Variants in PDZD2 observed in about 807,000 individuals in gnomAD.
PDZD2 encodes the protein PDZ domain containing 2, also known as PDZ domain-containing protein 2.
A neutral mutation model predicts 220.7 loss-of-function variants in PDZD2; 90 were observed. The ratio of observed to expected loss-of-function variants is 0.41; its 90% CI spans 0.34 to 0.49. PDZD2 has a LOEUF of 0.49. Among genes scored for constraint, PDZD2 ranks in the 20% least tolerant of loss-of-function variants. PDZD2 has a pLI of 0.28. For missense variants in PDZD2, 3,174 were observed against 3,608.5 expected (o/e 0.88, Z 3.08); for synonymous variants, 1,375 against 1,450.5 (o/e 0.95, Z 1.18).
At chr5:31,878,565 T>TTTTTTTTTTTTTG (rs1739542826) in intron 2 of PDZD2, among the ~76,000 whole-genome samples, 1 of 109,142 alleles carries the variant, frequency 9.2e-6, no homozygotes, top group Non-Finnish European at 1.9e-5. Context: ...CTTTTTTTTT[T>TTTTTTTTTTTTTG]TTTTTTTTTT....
intron 2 of PDZD2, among the ~76,000 whole-genome samples, chr5:31,954,703 C>A (rs573246456): frequency 6.6e-6 from 1 of 152,060 alleles, no homozygotes; most frequent in African/African-American, 2.4e-5. Context: ...CCGAGGCAGG[C>A]GGATCACGAG....
chr5:31,871,881 A>AGTG (rs1420287242), intron 2 of PDZD2, among the ~76,000 whole-genome samples: 1 of 152,050 alleles, frequency 6.6e-6, no homozygotes, highest in Non-Finnish European at 1.5e-5. Context: ...GCTGGAGTGC[A>AGTG]GTGGTGCGAA....
intron 1 of PDZD2, among the ~76,000 whole-genome samples, chr5:31,755,158 C>T (rs752319218): frequency 5.3e-5 from 8 of 152,140 alleles, no homozygotes; most frequent in Non-Finnish European, 1.2e-4. Flanking sequence ...CTGGACAAAC[C>T]GCAGATGCTC....
intron 4 of PDZD2, among the ~76,000 whole-genome samples, chr5:31,997,656 G>C (rs1241872645): frequency 1.3e-5 from 2 of 152,116 alleles, no homozygotes; most frequent in Non-Finnish European, 2.9e-5. Flanking sequence ...ACAAAGAACT[G>C]TTCTTGTCTA....
chr5:31,862,101 G>GTTGTTTTTTTTTTTTTTTTTTTTTTTTTT (rs768772887), intron 2 of PDZD2, among the ~76,000 whole-genome samples: 2 of 78,496 alleles, frequency 2.5e-5, no homozygotes, highest in Non-Finnish European at 4.9e-5. Flanking sequence ...TTTTTTTTGG[G>GTTGTTTTTTTTTTTTTTTTTTTTTTTTTT]TTTTTTTTTT....
At chr5:31,819,019 A>G (rs1355569408) in intron 2 of PDZD2, among the ~76,000 whole-genome samples, 1 of 152,178 alleles carries the variant, frequency 6.6e-6, no homozygotes, top group Non-Finnish European at 1.5e-5. Flanking sequence ...CAGTGAGTGA[A>G]AAGTTTCCTC....
In PDZD2 at chr5:32,101,160, T is replaced by C. The variant is rs1208541848; in HGVS notation, c.8274T>C (p.Ala2758=). ...GTGTTGAAGTGCTGAAGACCTCGGC[T>C]GGGCTGGGACTGAGTCTGGATGGGG... ...ALCVEVLKTS[A]GLGLSLDGGK... Residue 2758 remains alanine, a synonymous_variant, in exon 24 of 25, where the codon GCT becomes GCC. Transcript: ENST00000438447. 1 of 1,614,100 alleles carries C rather than the reference T, an allele frequency of 6.2e-7. No individual in the cohort carries two copies. Among genetic ancestry groups the C allele is most frequent in the Non-Finnish European group, 8.5e-7 (1 of 1,179,964 alleles).
At chr5:31,669,158 C>T (rs1332581991) in intron 1 of PDZD2, among the ~76,000 whole-genome samples, 1 of 151,786 alleles carries the variant, frequency 6.6e-6, no homozygotes, top group African/African-American at 2.4e-5. Context: ...GCCTGTAATC[C>T]CACCTGTCTG....
chr5:31,753,880 T>C (rs994240193), intron 1 of PDZD2, among the ~76,000 whole-genome samples: 5 of 152,218 alleles, frequency 3.3e-5, no homozygotes, highest in African/African-American at 1.2e-4. Flanking sequence ...CCAGGACATC[T>C]AGATGCTTCT....
intron 6 of PDZD2, among the ~76,000 whole-genome samples, chr5:32,016,553 T>C (rs945395062): frequency 2.0e-5 from 3 of 152,148 alleles, no homozygotes; most frequent in African/African-American, 7.2e-5. Flanking sequence ...GAGCTCTGCA[T>C]CTATGGGGAG....
intron 1 of PDZD2, among the ~76,000 whole-genome samples, chr5:31,669,720 C>T (rs1234529745): frequency 6.6e-6 from 1 of 152,128 alleles, no homozygotes; most frequent in Admixed American, 6.5e-5. Flanking sequence ...GCTTTACAGG[C>T]TTTTTACATT....
intron 1 of PDZD2, among the ~76,000 whole-genome samples, chr5:31,726,940 G>A (rs1354374533): frequency 6.6e-6 from 1 of 152,210 alleles, no homozygotes; most frequent in Non-Finnish European, 1.5e-5. Context: ...CAGCTTCTGG[G>A]GGGCCTCAGG....
chr5:31,978,529 C>T (rs1749985325), intron 2 of PDZD2, among the ~76,000 whole-genome samples: 4 of 152,012 alleles, frequency 2.6e-5, no homozygotes, highest in Admixed American at 2.6e-4. Flanking sequence ...ACCATCCTGG[C>T]TAACATGGTG....
In PDZD2 at chr5:32,074,639, A is replaced by G. The variant is rs57158698; in HGVS notation, c.3533A>G (p.Glu1178Gly). 6.7e-3 allele frequency: 10,635 copies of G among 1,596,138 alleles called. 627 individuals are homozygous for G. In the African/African-American group the frequency reaches 0.13, roughly 19 times the overall value. Residue 1178 changes from glutamate (E) to glycine (G), a missense_variant, in exon 18 of 25, where the codon GAG becomes GGG. Physicochemically the swap from Glu to Gly is moderately conservative, Grantham distance 98. Transcript: ENST00000438447. The stretch of plus-strand genomic sequence containing the variant: ...GGCTTTCAGCCAGGTGGAGCTGTGG[A>G]GAAGGTAACTGACTTTCTCTTAGTT... ...VAGFQPGGAV[E>G]KESLGKLTTG...
intron 1 of PDZD2, among the ~76,000 whole-genome samples, chr5:31,645,223 A>G (rs1745089362): frequency 6.6e-6 from 1 of 152,130 alleles, no homozygotes; most frequent in Admixed American, 6.5e-5. Context: ...CTTCCTGAGG[A>G]AGGGGCGTCC....
chr5:31,660,098 C>T (rs1745701750), intron 1 of PDZD2, among the ~76,000 whole-genome samples: 2 of 152,158 alleles, frequency 1.3e-5, no homozygotes, highest in Admixed American at 6.5e-5. Flanking sequence ...TTTGGTAAGC[C>T]ACTGCTTTCC....
chr5:32,051,597 T>C (rs1036427683), intron 8 of PDZD2, among the ~76,000 whole-genome samples: 4 of 152,194 alleles, frequency 2.6e-5, no homozygotes, highest in Non-Finnish European at 4.4e-5. Context: ...AGAAGTGCTT[T>C]GGTGATAGAG....
intron 1 of PDZD2, among the ~76,000 whole-genome samples, chr5:31,730,595 GTGTGTGT>G: frequency 1.4e-5 from 2 of 147,826 alleles, no homozygotes; most frequent in African/African-American, 2.6e-5. Flanking sequence ...TGTGTGTGGT[GTGTGTGT>G]GTGTGTGTAA....
chr5:32,017,923 C>T (rs187286894), intron 6 of PDZD2, among the ~76,000 whole-genome samples: 178 of 152,270 alleles, frequency 1.2e-3, no homozygotes, highest in Non-Finnish European at 1.0e-3. Context: ...TGCAGGGAAC[C>T]TTGGGGAGTA....
Sources: allele counts gnomAD v4.1 joint callset (sites outside exome capture counted in the v4.1 genomes callset), GRCh38; gene constraint gnomAD v4.1.1; transcripts MANE v1.5; gene names NCBI Gene and HGNC (gene_info 2026-07-23, HGNC 2026-07-21).